The following UBA3 variants were observed in gnomAD, a reference collection of about 807,000 sequenced individuals.
The protein encoded by UBA3 is NEDD8-activating enzyme E1 catalytic subunit.
Under a neutral mutation model 73.5 loss-of-function variants are expected in UBA3, and 26 were observed. That is an observed-to-expected ratio of 0.35 (90% CI 0.26 to 0.49). The LOEUF (loss-of-function observed/expected upper bound fraction) is 0.49. Ranked by LOEUF, UBA3 falls within the 20% of genes least tolerant of loss-of-function variation. The pLI, the probability that UBA3 is intolerant of heterozygous loss-of-function variation, is 0.98. For synonymous variants in UBA3, 217 were observed against 191.2 expected, an observed-to-expected ratio of 1.13 and a Z score of -1.11; for missense variants, 495 against 555.6, an observed-to-expected ratio of 0.89 and a Z score of 1.10.
chr3:69,057,280 C>G lies in UBA3; in HGVS notation c.940G>C (p.Ala314Pro), dbSNP rs1553682376. The G allele has an allele frequency of 1.9e-6, 3 of 1,611,716 alleles. No individual in the cohort carries two copies. The South Asian group carries it at 3.3e-5, about 18-fold the overall frequency. Residue 314 changes from alanine to proline, a missense_variant, in exon 12 of 18, where the codon GCT becomes CCT. Ala to Pro is a conservative substitution (Grantham distance 27). Transcript: ENST00000361055. ...GVVKRIIPAV[A>P]STNAVIAAVC... ...CCTGCAATGACTGCATTTGTGGAAG[C>G]TACTGCAGGAATGATTCTTTTTACT...
intron 4 of UBA3, among the ~76,000 whole-genome samples, chr3:69,072,619 AT>A (rs1488529033): frequency 6.6e-6 from 1 of 152,198 alleles, no homozygotes; most frequent in African/African-American, 2.4e-5. Context: ...TTTCCAGTTC[AT>A]TCAGTTTTCT....
chr3:69,067,695 C>T (rs2092085483), intron 6 of UBA3, among the ~76,000 whole-genome samples: 1 of 152,040 alleles, frequency 6.6e-6, no homozygotes, highest in African/African-American at 2.4e-5. Context: ...GATGATGAAA[C>T]AGGCTTTATA....
intron 4 of UBA3, 54 bp from the exon 5 acceptor site, chr3:69,071,671 G>C (rs1003646313): frequency 1.7e-6 from 2 of 1,144,632 alleles, no homozygotes; most frequent in African/African-American, 1.6e-5. Flanking sequence ...ATTTAAAAAC[G>C]TAACATTTGT....
At position 69,077,807 on chromosome 3, in the gene UBA3, C is replaced by A. The variant is rs763845253; in HGVS notation, c.174G>T (p.Pro58=). The A allele has an allele frequency of 1.9e-6, 3 of 1,612,626 alleles. No homozygotes were observed. The highest frequency in any genetic ancestry group is 2.5e-6 in the Non-Finnish European group (3 of 1,179,218). The change falls in exon 3 of 18, where the codon CCG becomes CCT. Residue 58 remains proline, a synonymous_variant. Coordinates refer to ENST00000361055, the MANE Select transcript of UBA3 (RefSeq NM_003968.4). ...SGPFTHPDFE[P]STESLQFLLD... is the part of the protein sequence containing the mutation. Reference sequence around the variant, plus strand: ...AATAAACGTTTCTCACTTCAGTGCTCGGTTCGAAATCAGGGTGTGTGAAGG... The same window carrying A: ...AATAAACGTTTCTCACTTCAGTGCTAGGTTCGAAATCAGGGTGTGTGAAGG...
At chr3:69,067,790 G>C (rs2092086102) in intron 6 of UBA3, 138 bp downstream of exon 6, 1 of 537,972 alleles carries the variant, frequency 1.9e-6, no homozygotes, top group Non-Finnish European at 3.3e-6. Context: ...AATGTTACCA[G>C]CAGTTATCTC....
rs368472155 is a variant in UBA3 at position 69,055,621 on chromosome 3, A to G, written c.1304-96T>C. 1.3e-4 allele frequency: 125 copies of G among 994,408 alleles called. 5 individuals carry two copies. The South Asian group carries it at 1.7e-3, about 13-fold the overall frequency. The allele number at this position is 994,408 out of a possible 1,614,324, so 61.6% of individuals were successfully genotyped here. A position where few individuals can be genotyped will look rare whatever the true frequency, so the allele number is the denominator to read the frequency against. On this transcript the variant is annotated intron_variant, in intron 17 of 17. Transcript: ENST00000361055. The stretch of plus-strand genomic sequence containing the variant: ...AACTACAGAGTATTACGGTCTAGAA[A>G]AACATCAAAATCCAATCCTCTTTAA...
At position 69,054,740 on chromosome 3, in the gene UBA3, A is replaced by G. The variant is rs547457985; in HGVS notation, c.*697T>C. The G allele has an allele frequency of 2.2e-4, 34 of 152,342 alleles. No homozygotes were observed. Among genetic ancestry groups the G allele is most frequent in the African/African-American group, 7.5e-4 (31 of 41,578 alleles). The allele number at this position is 152,342 out of a possible 1,614,324, so 9.4% of individuals were successfully genotyped here. On this transcript the variant is annotated 3_prime_UTR_variant, in exon 18 of 18. Transcript: ENST00000361055. ...CTTCAGTGAAAGAAGTACACAATAT[A>G]TGATTTTATTAATAAATAGTGCAAA...
intron 4 of UBA3, among the ~76,000 whole-genome samples, chr3:69,073,213 T>C (rs2092136368): frequency 6.6e-6 from 1 of 152,146 alleles, no homozygotes; most frequent in African/African-American, 2.4e-5. Flanking sequence ...TCCAAAGTCT[T>C]TTGTGATATC....
intron 6 of UBA3, among the ~76,000 whole-genome samples, chr3:69,066,107 G>A (rs1162869059): frequency 6.6e-6 from 1 of 152,018 alleles, no homozygotes; most frequent in Non-Finnish European, 1.5e-5. Flanking sequence ...TAATTTTGAT[G>A]AAGTTCAGTG....
intron 6 of UBA3, among the ~76,000 whole-genome samples, chr3:69,065,666 A>C (rs1017134422): frequency 1.3e-5 from 2 of 151,972 alleles, no homozygotes; most frequent in African/African-American, 4.8e-5. Flanking sequence ...GTTCTCAAAC[A>C]ACCAGGCTCA....
At chr3:69,056,096 A>T (rs2091970840) in intron 15 of UBA3, 33 bp from the exon 16 acceptor site, 1 of 1,567,040 alleles carries the variant, frequency 6.4e-7, no homozygotes, top group African/African-American at 1.4e-5. Context: ...AGTATCAAAC[A>T]TAATTTTTAT....
chr3:69,071,605 A>T lies in UBA3; in HGVS notation c.277T>A (p.Phe93Ile). 1 of 1,556,476 alleles carries T rather than the reference A, an allele frequency of 6.4e-7. No individual in the cohort carries two copies. Among genetic ancestry groups the T allele is most frequent in the Non-Finnish European group, 8.6e-7 (1 of 1,161,448 alleles). Residue 93 changes from phenylalanine (F) to isoleucine (I), a missense_variant, in exon 5 of 18, where the codon TTT becomes ATT. Transcript: ENST00000361055. ...ATATCTATAACATGAATCTGTCTAA[A>T]ACCAGACAAGGCCTGTGGGAATAAA... Reference protein sequence around the residue: ...ELLKNLALSGFRQIHVIDMDT... With the variant: ...ELLKNLALSGIRQIHVIDMDT...
At chr3:69,058,143 G>A (rs186160635) in intron 11 of UBA3, among the ~76,000 whole-genome samples, 2,723 of 152,060 alleles carry the variant, frequency 0.018, 74 homozygotes, top group African/African-American at 0.063. Flanking sequence ...TGTTAGCCAC[G>A]ATGGTCTCGA....
chr3:69,064,043 C>A, intron 7 of UBA3, 25 bp downstream of exon 7: 1 of 1,585,036 alleles, frequency 6.3e-7, no homozygotes, highest in South Asian at 1.2e-5. Flanking sequence ...ATCTAGTGAG[C>A]ATTAATTTCA....
At chr3:69,066,709 G>C (rs1004324219) in intron 6 of UBA3, among the ~76,000 whole-genome samples, 9 of 152,168 alleles carry the variant, frequency 5.9e-5, no homozygotes, top group Non-Finnish European at 8.8e-5. Context: ...TGGGATTACA[G>C]GCATGAGCCA....
At chr3:69,062,913 G>T in intron 9 of UBA3, 69 bp downstream of exon 9, 1 of 1,543,534 alleles carries the variant, frequency 6.5e-7, no homozygotes, top group Non-Finnish European at 8.8e-7. Flanking sequence ...ATATTAACTA[G>T]ACTTAATAAT....
At position 69,061,919 on chromosome 3, in the gene UBA3, G is replaced by A; in HGVS notation, c.805C>T (p.Pro269Ser). 6.3e-7 allele frequency: 1 copy of A among 1,589,236 alleles called. No individual in the cohort carries two copies. The highest frequency in any genetic ancestry group is 1.8e-5 in the Admixed American group (1 of 55,484). ...PKEQPFGEGV[P>S]LDGDDPEHIQ... Reference sequence around the variant, plus strand: ...TGTTCAGGATCATCTCCATCTAATGGAACCCCTTCTGTTTAAAAAAAAAAA... The same window carrying A: ...TGTTCAGGATCATCTCCATCTAATGAAACCCCTTCTGTTTAAAAAAAAAAA... Residue 269 changes from proline (P) to serine (S), a missense_variant, in exon 11 of 18, where the codon CCA becomes TCA. By Grantham distance (74) the Pro-to-Ser change is moderately conservative. Coordinates refer to ENST00000361055, the MANE Select transcript of UBA3 (RefSeq NM_003968.4).
chr3:69,079,863 AC>A lies in UBA3; in HGVS notation c.62+248del, dbSNP rs2092202815. On this transcript the variant is annotated intron_variant, in intron 2 of 17. Coordinates refer to ENST00000361055, the MANE Select transcript of UBA3 (RefSeq NM_003968.4). ...CTTCCTCAAGACCTTTACGTCAAGC[AC>A]CCCGGAGGGCCCCTGCAGGAGCTGG... is the stretch of plus-strand genomic sequence containing the variant. 2.6e-5 allele frequency: 13 copies of A among 493,308 alleles called. No homozygotes were observed. In the South Asian group the frequency reaches 3.8e-4, roughly 15 times the overall value. 30.6% of individuals were successfully genotyped at this position (493,308 alleles called of 1,614,324 possible).
intron 2 of UBA3, 36 bp downstream of exon 2, chr3:69,080,076 C>A: frequency 4.4e-6 from 7 of 1,598,848 alleles, no homozygotes; most frequent in Non-Finnish European, 6.0e-6. Flanking sequence ...AGGCGGGGGT[C>A]CCCGGAGAGG....
Sources: allele counts gnomAD v4.1 joint callset (sites outside exome capture counted in the v4.1 genomes callset), GRCh38; gene constraint gnomAD v4.1.1; transcripts MANE v1.5; gene names NCBI Gene and HGNC (gene_info 2026-07-23, HGNC 2026-07-21).